RORA: variants seen among roughly 807,000 people sequenced by gnomAD.
The protein encoded by RORA is RAR related orphan receptor A.
Under a neutral mutation model 69.5 loss-of-function variants are expected in RORA, and 7 were observed. The observed-to-expected ratio is 0.10, with a 90% confidence interval of 0.06 to 0.19. The LOEUF (loss-of-function observed/expected upper bound fraction) is 0.19. RORA is among the 10% of genes least tolerant of loss of function. The probability of loss-of-function intolerance (pLI) is 1.00; values close to 1 mark genes in which losing one functional copy is unlikely to be tolerated. For missense variants in RORA, 457 were observed against 663.0 expected, an observed-to-expected ratio of 0.69 and a Z score of 3.41; for synonymous variants, 261 against 240.8, an observed-to-expected ratio of 1.08 and a Z score of -0.78.
chr15:60,977,050 T>C (rs1893892459), intron 1 of RORA, among the ~76,000 whole-genome samples: 1 of 151,668 alleles, frequency 6.6e-6, no homozygotes, highest in South Asian at 2.1e-4. Context: ...GAAAAGCGTC[T>C]TGTTTGGGCA....
intron 1 of RORA, among the ~76,000 whole-genome samples, chr15:60,853,518 T>C (rs1282199453): frequency 1.3e-5 from 2 of 152,170 alleles, no homozygotes; most frequent in African/African-American, 4.8e-5. Context: ...GCGTAACAAA[T>C]GGCTATACCA....
At chr15:61,199,151 C>A (rs1046858082) in intron 1 of RORA, among the ~76,000 whole-genome samples, 1 of 152,062 alleles carries the variant, frequency 6.6e-6, no homozygotes, top group Non-Finnish European at 1.5e-5. Flanking sequence ...TTTAATTTAA[C>A]CCTAAATTAA....
In RORA at chr15:61,131,919, T is replaced by C. The variant is rs954814534; in HGVS notation, c.166+97134A>G. The stretch of plus-strand genomic sequence containing the variant: ...TTCACTTGGAAAAAACAGCACTGAA[T>C]TGGAACTGGGGGTAGATGCTGTAAC... On this transcript the variant is annotated intron_variant, in intron 1 of 10. Transcript: ENST00000335670. This position sits in a 1 kb window ranked among gnomAD's most constrained non-coding sequence, Gnocchi z 4.2. Among the ~76,000 whole-genome samples, 1 of 152,180 alleles carries C rather than the reference T, an allele frequency of 6.6e-6. No individual in the cohort carries two copies. Among genetic ancestry groups the C allele is most frequent in the Non-Finnish European group, 1.5e-5 (1 of 68,020 alleles).
At chr15:60,624,545 GTATA>G (rs139131413) in intron 2 of RORA, among the ~76,000 whole-genome samples, 1 of 128,026 alleles carries the variant, frequency 7.8e-6, no homozygotes, top group East Asian at 2.3e-4. Context: ...TATATTTGCT[GTATA>G]TATATATATT....
At chr15:61,129,987 T>A (rs2079176917) in intron 1 of RORA, among the ~76,000 whole-genome samples, 1 of 152,206 alleles carries the variant, frequency 6.6e-6, no homozygotes, top group African/African-American at 2.4e-5. Flanking sequence ...TTACTGCTTA[T>A]AAACTCCAAA....
At chr15:60,723,175 T>C (rs577149700) in intron 1 of RORA, among the ~76,000 whole-genome samples, 23 of 152,296 alleles carry the variant, frequency 1.5e-4, no homozygotes, top group Non-Finnish European at 3.1e-4. Flanking sequence ...AAGAAAGATA[T>C]TGTCAAAACT....
At chr15:61,019,202 A>T (rs2140411532) in intron 1 of RORA, among the ~76,000 whole-genome samples, 1 of 152,342 alleles carries the variant, frequency 6.6e-6, no homozygotes, top group East Asian at 1.9e-4. Flanking sequence ...CGCTCCACGC[A>T]GCTCCTCTGA....
intron 1 of RORA, among the ~76,000 whole-genome samples, chr15:60,986,483 T>A (rs1474625085): frequency 1.3e-5 from 2 of 152,224 alleles, no homozygotes; most frequent in African/African-American, 4.8e-5. Context: ...CTTCATTAAT[T>A]GGCCAAAGTT....
intron 1 of RORA, among the ~76,000 whole-genome samples, chr15:60,996,907 TAA>T (rs796945985): frequency 1.4e-5 from 2 of 142,450 alleles, no homozygotes; most frequent in Non-Finnish European, 3.1e-5. Flanking sequence ...GACTACGTCT[TAA>T]AAAAAAAAAA....
At chr15:61,164,749 G>C (rs578091575) in intron 1 of RORA, among the ~76,000 whole-genome samples, 11 of 152,174 alleles carry the variant, frequency 7.2e-5, no homozygotes, top group Admixed American at 4.6e-4. Context: ...TATATAGAAG[G>C]CTACTGTTAA....
chr15:61,153,323 G>C (rs1446242104), intron 1 of RORA, among the ~76,000 whole-genome samples: 2 of 152,160 alleles, frequency 1.3e-5, no homozygotes, highest in African/African-American at 4.8e-5. Context: ...AGTGGGGTGG[G>C]ATGGTTTATC....
intron 1 of RORA, among the ~76,000 whole-genome samples, chr15:61,211,574 G>C (rs1203358751): frequency 1.3e-5 from 2 of 152,190 alleles, no homozygotes; most frequent in Non-Finnish European, 2.9e-5. Context: ...TCACAGCACA[G>C]AGATAACACA....
At chr15:60,502,640 A>G (rs2065367386) in intron 8 of RORA, 120 bp downstream of exon 8, 1 of 731,628 alleles carries the variant, frequency 1.4e-6, no homozygotes. Flanking sequence ...AATAGGTATA[A>G]AACCCCTTAA....
intron 1 of RORA, among the ~76,000 whole-genome samples, chr15:60,992,341 CACTGG>C (rs1255977675): frequency 1.3e-5 from 2 of 152,188 alleles, no homozygotes; most frequent in African/African-American, 4.8e-5. Flanking sequence ...TTTTAAGAAA[CACTGG>C]CACTTACGGA....
intron 1 of RORA, among the ~76,000 whole-genome samples, chr15:61,227,197 G>C (rs1596086666): frequency 9.7e-6 from 1 of 103,262 alleles, no homozygotes. Context: ...TAAATACTAT[G>C]TCCCCCCCAT....
At chr15:61,081,276 TTGTC>T (rs1288176227) in intron 1 of RORA, among the ~76,000 whole-genome samples, 4 of 152,160 alleles carry the variant, frequency 2.6e-5, no homozygotes, top group African/African-American at 9.7e-5. Flanking sequence ...AAGGCTAACT[TTGTC>T]TGTTCCTTAT....
chr15:60,710,278 C>T (rs2071125313), intron 1 of RORA, among the ~76,000 whole-genome samples: 1 of 152,098 alleles, frequency 6.6e-6, no homozygotes, highest in African/African-American at 2.4e-5. Context: ...CACCTGAGGT[C>T]AGGAGTTCGA....
intron 1 of RORA, among the ~76,000 whole-genome samples, chr15:60,787,291 G>A (rs535865805): frequency 3.3e-5 from 5 of 152,166 alleles, no homozygotes; most frequent in South Asian, 2.1e-4. Flanking sequence ...GCATGCACGC[G>A]ATTCAACAAT....
chr15:60,868,818 T>G (rs1467348692), intron 1 of RORA, among the ~76,000 whole-genome samples: 1 of 152,176 alleles, frequency 6.6e-6, no homozygotes, highest in African/African-American at 2.4e-5. Context: ...GGAAAAACAC[T>G]CAGTAAGAGG....
Sources: allele counts gnomAD v4.1 joint callset (sites outside exome capture counted in the v4.1 genomes callset), GRCh38; gene constraint gnomAD v4.1.1; non-coding constraint Gnocchi (gnomAD v3.1); transcripts MANE v1.5; gene names NCBI Gene and HGNC (gene_info 2026-07-23, HGNC 2026-07-21).